The following LANCL3 variants were observed in gnomAD, a reference collection of about 807,000 sequenced individuals.
The protein encoded by LANCL3 is lanC-like protein 3.
Under a neutral mutation model 26.5 loss-of-function variants are expected in LANCL3, and 19 were observed. The ratio of observed to expected loss-of-function variants is 0.72; its 90% CI spans 0.50 to 1.05. The LOEUF is 1.05. LANCL3 is among the 50% of genes least tolerant of loss of function. The probability of loss-of-function intolerance (pLI) is 0.00; values close to 1 mark genes in which losing one functional copy is unlikely to be tolerated. For synonymous variants in LANCL3, 160 were observed against 166.6 expected (o/e 0.96, Z 0.30); for missense variants, 318 against 362.7 (o/e 0.88, Z 1.00).
chrX:37,585,357 C>G (rs1924035547), intron 1 of LANCL3, among the ~76,000 whole-genome samples: 1 of 111,174 alleles, frequency 9.0e-6, no homozygotes, highest in Non-Finnish European at 1.9e-5. Context: ...TCCTTGTTAA[C>G]TTTCTGTCTC....
At chrX:37,653,256 T>C in intron 1 of LANCL3, among the ~76,000 whole-genome samples, 1 of 110,745 alleles carries the variant, frequency 9.0e-6, no homozygotes, top group African/African-American at 3.3e-5. Context: ...TTTTTCTGGG[T>C]TAAAAATAAG....
intron 1 of LANCL3, among the ~76,000 whole-genome samples, chrX:37,598,466 C>G (rs1261230277): frequency 4.5e-5 from 5 of 111,627 alleles, no homozygotes; most frequent in African/African-American, 6.5e-5. Flanking sequence ...AGTATCTAGT[C>G]AATTATAGTA....
intron 1 of LANCL3, among the ~76,000 whole-genome samples, chrX:37,633,534 T>G (rs1925602309): frequency 9.0e-6 from 1 of 111,361 alleles, no homozygotes; most frequent in Non-Finnish European, 1.9e-5. Context: ...GTTTTTCCGC[T>G]CTGTTTTTTC....
At chrX:37,581,656 T>C (rs1176057112) in intron 1 of LANCL3, among the ~76,000 whole-genome samples, 1 of 112,065 alleles carries the variant, frequency 8.9e-6, no homozygotes, top group Non-Finnish European at 1.9e-5. Context: ...ATCTTCCTTT[T>C]TATTTTCTAA....
intron 1 of LANCL3, among the ~76,000 whole-genome samples, chrX:37,626,272 C>T (rs1222128528): frequency 1.5e-4 from 17 of 112,080 alleles, no homozygotes; most frequent in African/African-American, 5.5e-4. Context: ...AGACAGAAAT[C>T]ATTTGCCATA....
intron 1 of LANCL3, among the ~76,000 whole-genome samples, chrX:37,629,714 C>T (rs1409036825): frequency 9.0e-6 from 1 of 110,919 alleles, no homozygotes; most frequent in Non-Finnish European, 1.9e-5. Flanking sequence ...GAATCCTTTC[C>T]CCATTGCTTA....
intron 1 of LANCL3, among the ~76,000 whole-genome samples, chrX:37,637,501 G>A (rs1925738890): frequency 9.0e-6 from 1 of 111,068 alleles, no homozygotes. Flanking sequence ...ACATGCGCGT[G>A]GCCCCTTCCT....
At chrX:37,588,727 T>C (rs144927499) in intron 1 of LANCL3, among the ~76,000 whole-genome samples, 2,044 of 112,334 alleles carry the variant, frequency 0.018, 66 homozygotes, top group African/African-American at 0.063. Context: ...GACTTTGGCC[T>C]GTTAAAGTGT....
At chrX:37,606,481 A>G in intron 1 of LANCL3, among the ~76,000 whole-genome samples, 1 of 112,061 alleles carries the variant, frequency 8.9e-6, no homozygotes, top group Non-Finnish European at 1.9e-5. Flanking sequence ...ATGTTAACAC[A>G]TTTCTCTACA....
At chrX:37,575,381 A>G (rs3126457) in intron 1 of LANCL3, among the ~76,000 whole-genome samples, 22 of 111,610 alleles carry the variant, frequency 2.0e-4, no homozygotes, top group African/African-American at 3.6e-4. Flanking sequence ...ATAAGGGTAG[A>G]CATTTTTGGT....
intron 3 of LANCL3, among the ~76,000 whole-genome samples, chrX:37,662,107 C>T (rs1381251641): frequency 1.8e-5 from 2 of 112,018 alleles, no homozygotes; most frequent in Non-Finnish European, 3.8e-5. Flanking sequence ...ATACTTTGGT[C>T]CTTTGCCATT....
chrX:37,640,198 G>T (rs868959334), intron 1 of LANCL3, among the ~76,000 whole-genome samples: 8 of 112,228 alleles, frequency 7.1e-5, no homozygotes, highest in African/African-American at 2.6e-4. Flanking sequence ...AACTATTTGA[G>T]ACTGTGTAAT....
At chrX:37,597,651 C>G (rs1241426804) in intron 1 of LANCL3, among the ~76,000 whole-genome samples, 1 of 100,185 alleles carries the variant, frequency 1.0e-5, no homozygotes, top group African/African-American at 3.6e-5. Context: ...GTAGCTGGAA[C>G]TACAGGCACA....
chrX:37,629,633 T>C (rs1925424814), intron 1 of LANCL3, among the ~76,000 whole-genome samples: 1 of 107,755 alleles, frequency 9.3e-6, no homozygotes, highest in Admixed American at 9.9e-5. Flanking sequence ...GTATAAGGTG[T>C]AAGGAAGGGA....
chrX:37,628,187 A>G (rs1487760881), intron 1 of LANCL3, among the ~76,000 whole-genome samples: 3 of 111,669 alleles, frequency 2.7e-5, no homozygotes, highest in Non-Finnish European at 5.6e-5. Flanking sequence ...GTATGGGTCA[A>G]ATATCATGTC....
intron 4 of LANCL3, among the ~76,000 whole-genome samples, chrX:37,668,104 A>ATGTG (rs1161688375): frequency 9.3e-6 from 1 of 107,542 alleles, no homozygotes; most frequent in Admixed American, 1.0e-4. Context: ...ATACATATAT[A>ATGTG]TGTGTGTGTG....
At chrX:37,610,788 G>A (rs1273491626) in intron 1 of LANCL3, among the ~76,000 whole-genome samples, 1 of 112,445 alleles carries the variant, frequency 8.9e-6, no homozygotes, top group African/African-American at 3.2e-5. Context: ...CTGACACACT[G>A]AGAGATTCAC....
chrX:37,645,390 A>T (rs1925961997), intron 1 of LANCL3, among the ~76,000 whole-genome samples: 1 of 111,751 alleles, frequency 8.9e-6, no homozygotes, highest in Non-Finnish European at 1.9e-5. Flanking sequence ...GCATCAGGAA[A>T]ACCAGATGGA....
chrX:37,643,020 C>T (rs1556426097), intron 1 of LANCL3, among the ~76,000 whole-genome samples: 1 of 111,989 alleles, frequency 8.9e-6, no homozygotes, highest in Non-Finnish European at 1.9e-5. Flanking sequence ...ACTGTAATGA[C>T]ATACTCATTT....
Sources: allele counts gnomAD v4.1 joint callset (sites outside exome capture counted in the v4.1 genomes callset), GRCh38; gene constraint gnomAD v4.1.1; transcripts MANE v1.5; gene names NCBI Gene and HGNC (gene_info 2026-07-23, HGNC 2026-07-21).